The following XKR6 variants were observed in gnomAD, a reference collection of about 807,000 sequenced individuals.
XKR6 encodes the protein XK related 6.
In XKR6, 22 loss-of-function variants were observed where a neutral mutation model predicts 56.7. That is an observed-to-expected ratio of 0.39 (90% CI 0.28 to 0.55). The LOEUF is 0.55. Ranked by LOEUF, XKR6 falls within the 20% of genes least tolerant of loss-of-function variation. The probability of loss-of-function intolerance (pLI) is 0.66; values close to 1 mark genes in which losing one functional copy is unlikely to be tolerated. For synonymous variants in XKR6, 524 were observed against 387.8 expected (o/e 1.35, Z -4.13); for missense variants, 852 against 889.0 (o/e 0.96, Z 0.53).
chr8:11,201,384 G>GGC lies in XKR6; in HGVS notation c.-46_-45insGC. The GGC allele has an allele frequency of 4.5e-6, 1 of 222,620 alleles. No homozygotes were observed. The highest frequency in any genetic ancestry group is 5.8e-6 in the Non-Finnish European group (1 of 173,754). The allele number at this position is 222,620 out of a possible 1,614,324, so 13.8% of individuals were successfully genotyped here. A position where few individuals can be genotyped will look rare whatever the true frequency, so the allele number is the denominator to read the frequency against. ...CCGGAGGTTGGGGGGGAGGGACGGC[G>GGC]GGGGGGGGGGGAAGAAGGCAGGGAA... On this transcript the variant is annotated 5_prime_UTR_variant, in exon 1 of 3. Coordinates refer to ENST00000416569, the MANE Select transcript of XKR6 (RefSeq NM_173683.4).
chr8:11,145,802 G>A (rs1362687870), intron 1 of XKR6, among the ~76,000 whole-genome samples: 2 of 152,018 alleles, frequency 1.3e-5, no homozygotes, highest in Admixed American at 6.5e-5. Flanking sequence ...AACTCAACAC[G>A]ATCAAAATCC....
At chr8:11,189,303 C>A (rs551182408) in intron 1 of XKR6, among the ~76,000 whole-genome samples, 35 of 152,312 alleles carry the variant, frequency 2.3e-4, no homozygotes, top group Admixed American at 2.2e-3. Flanking sequence ...CATCTGTGTT[C>A]ATAATAATGA....
At position 11,089,829 on chromosome 8, in the gene XKR6, T is replaced by C. The variant is rs1798007463; in HGVS notation, c.764+110747A>G. On this transcript the variant is annotated intron_variant, in intron 1 of 2. Transcript: ENST00000416569. ...CTTCCCCTTCCTGGAGGAGCCGCTA[T>C]ACTGAATTTTTTGTTAATCAATCCC... Among the ~76,000 whole-genome samples, 4 of 152,250 alleles carry C rather than the reference T, an allele frequency of 2.6e-5. No homozygotes were observed. The South Asian group carries it at 6.2e-4, about 24-fold the overall frequency.
chr8:11,073,192 C>T lies in XKR6; in HGVS notation c.764+127384G>A, dbSNP rs541106741. ...TGATATCGTCACCTTTCCCAAAATC[C>T]GAGTCCCTGTGGAATCCATGTGTCC... On this transcript the variant is annotated intron_variant, in intron 1 of 2. Coordinates refer to ENST00000416569, the MANE Select transcript of XKR6 (RefSeq NM_173683.4). Among the ~76,000 whole-genome samples, 8 of 152,134 alleles carry T rather than the reference C, an allele frequency of 5.3e-5. No homozygotes were observed. In the South Asian group the frequency reaches 6.2e-4, roughly 12 times the overall value.
intron 1 of XKR6, among the ~76,000 whole-genome samples, chr8:11,188,117 A>G (rs1803370139): frequency 6.6e-6 from 1 of 152,140 alleles, no homozygotes; most frequent in Non-Finnish European, 1.5e-5. Flanking sequence ...TACAGTAGGT[A>G]TGAGCCCATC....
intron 1 of XKR6, among the ~76,000 whole-genome samples, chr8:11,125,469 C>G (rs76469923): frequency 0.063 from 9,659 of 152,170 alleles, 351 homozygotes; most frequent in South Asian, 0.097. Context: ...TACCACAGAA[C>G]AGGTGGGAGC....
At chr8:11,128,779 C>T (rs765940007) in intron 1 of XKR6, 2 of 455,210 alleles carry the variant, frequency 4.4e-6, no homozygotes, top group South Asian at 1.6e-5. Context: ...ATCCATTATG[C>T]CCATCAGCTG....
intron 1 of XKR6, among the ~76,000 whole-genome samples, chr8:11,051,689 C>T (rs564881675): frequency 4.3e-4 from 65 of 152,118 alleles, no homozygotes; most frequent in Non-Finnish European, 7.1e-4. Context: ...ACTCCATTCA[C>T]GAGCAGCTTT....
In XKR6 at chr8:11,200,530, G is replaced by A. The variant is rs114783395; in HGVS notation, c.764+46C>T. ...CCCGCGAAGCACCGGGAGGGCGGAG[G>A]GGGGCTCCTCAGGGCCGGCCCGCCC... On this transcript the variant is annotated intron_variant, in intron 1 of 2. Transcript: ENST00000416569. The surrounding 1 kb of genome is among the most constrained non-coding windows in gnomAD (Gnocchi z 6.4). 1.4e-6 allele frequency: 2 copies of A among 1,410,002 alleles called. No individual in the cohort carries two copies. Among genetic ancestry groups the A allele is most frequent in the Non-Finnish European group, 1.8e-6 (2 of 1,090,316 alleles). 87.3% of individuals were successfully genotyped at this position (1,410,002 alleles called of 1,614,324 possible). A position where few individuals can be genotyped will look rare whatever the true frequency, so the allele number is the denominator to read the frequency against.
At chr8:10,977,524 T>A (rs896367073) in intron 1 of XKR6, among the ~76,000 whole-genome samples, 1 of 150,962 alleles carries the variant, frequency 6.6e-6, no homozygotes, top group African/African-American at 2.4e-5. Context: ...ACCCAAAATA[T>A]GTAACAACAG....
At chr8:11,038,497 T>TTGTGTGTGTGTGTG (rs34388531) in intron 1 of XKR6, among the ~76,000 whole-genome samples, 3 of 130,124 alleles carry the variant, frequency 2.3e-5, no homozygotes, top group East Asian at 2.4e-4. Context: ...TGTAGTCATT[T>TTGTGTGTGTGTGTG]TGTGTGTGTG....
chr8:11,048,562 C>T (rs1430590279), intron 1 of XKR6, among the ~76,000 whole-genome samples: 1 of 152,186 alleles, frequency 6.6e-6, no homozygotes, highest in Non-Finnish European at 1.5e-5. Flanking sequence ...CTGAGTGCCT[C>T]GGCGAAACCT....
intron 1 of XKR6, among the ~76,000 whole-genome samples, chr8:11,013,068 C>T (rs1798536633): frequency 6.6e-6 from 1 of 152,150 alleles, no homozygotes; most frequent in South Asian, 2.1e-4. Flanking sequence ...TTCCCAAGGT[C>T]ACACAGCAGG....
chr8:11,166,847 T>A (rs1802102129), intron 1 of XKR6, among the ~76,000 whole-genome samples: 1 of 152,164 alleles, frequency 6.6e-6, no homozygotes, highest in African/African-American at 2.4e-5. Context: ...ACTGCTGAGA[T>A]TACAGGCGTG....
At chr8:11,192,145 C>G (rs2117132446) in intron 1 of XKR6, among the ~76,000 whole-genome samples, 1 of 152,138 alleles carries the variant, frequency 6.6e-6, no homozygotes, top group Non-Finnish European at 1.5e-5. Context: ...TAGCAAGACC[C>G]CATCTCTACA....
Position 11,176,059 on chromosome 8 carries a change from T to C in XKR6, c.764+24517A>G, listed in dbSNP as rs1349842539. ...TGTGGGTGTAAAGCAAATGACCTTGTGAAACTCATTTTACAAGGTTCCCAG... is the reference window on the plus strand; with the variant it reads ...TGTGGGTGTAAAGCAAATGACCTTGCGAAACTCATTTTACAAGGTTCCCAG... On this transcript the variant is annotated intron_variant, in intron 1 of 2. Coordinates refer to ENST00000416569, the MANE Select transcript of XKR6 (RefSeq NM_173683.4). Among the ~76,000 whole-genome samples, 3 of 152,228 alleles carry C rather than the reference T, an allele frequency of 2.0e-5. No homozygotes were observed. In the East Asian group the frequency reaches 5.8e-4, roughly 29 times the overall value.
chr8:11,132,785 A>ACACACACACACG (rs1335210159), intron 1 of XKR6, among the ~76,000 whole-genome samples: 1 of 146,070 alleles, frequency 6.8e-6, no homozygotes, highest in Non-Finnish European at 1.5e-5. Context: ...ACACACACAC[A>ACACACACACACG]CGCACATTTT....
At chr8:11,134,838 G>C (rs979188273) in intron 1 of XKR6, among the ~76,000 whole-genome samples, 76 of 151,794 alleles carry the variant, frequency 5.0e-4, no homozygotes, top group African/African-American at 1.7e-3. Context: ...ACCAATAATA[G>C]ATCAACTAAT....
At chr8:10,968,050 C>A (rs929111654) in intron 1 of XKR6, among the ~76,000 whole-genome samples, 4 of 152,138 alleles carry the variant, frequency 2.6e-5, no homozygotes, top group African/African-American at 9.7e-5. Flanking sequence ...CCCTGCAGCA[C>A]CCCCCAGCCT....
Sources: allele counts gnomAD v4.1 joint callset (sites outside exome capture counted in the v4.1 genomes callset), GRCh38; gene constraint gnomAD v4.1.1; non-coding constraint Gnocchi (gnomAD v3.1); transcripts MANE v1.5; gene names NCBI Gene and HGNC (gene_info 2026-07-23, HGNC 2026-07-21).